The following RAD9B variants were observed in gnomAD, a reference collection of about 807,000 sequenced individuals.
RAD9B encodes cell cycle checkpoint control protein RAD9B.
RAD9B carries 41 observed loss-of-function variants against 48.3 expected under a neutral mutation model. The ratio of observed to expected loss-of-function variants is 0.85; its 90% confidence interval spans 0.66 to 1.10. RAD9B has a LOEUF of 1.10. Among genes scored for constraint, RAD9B ranks in the 50% least tolerant of loss-of-function variants. The pLI, the probability that RAD9B is intolerant of heterozygous loss-of-function variation, is 0.00. For synonymous variants in RAD9B, 160 were observed against 157.9 expected (o/e 1.01, Z -0.10); for missense variants, 444 against 485.1 (o/e 0.92, Z 0.80).
intron 10 of RAD9B, among the ~76,000 whole-genome samples, chr12:110,530,192 G>T (rs148995738): frequency 6.6e-6 from 1 of 152,032 alleles, no homozygotes; most frequent in African/African-American, 2.4e-5. Flanking sequence ...ACAGGTGTCC[G>T]CCACCACACC....
chr12:110,517,160 C>T (rs1394535983), intron 6 of RAD9B, among the ~76,000 whole-genome samples: 1 of 151,884 alleles, frequency 6.6e-6, no homozygotes, highest in Non-Finnish European at 1.5e-5. Flanking sequence ...CAGCAAGATC[C>T]CATCTCTACA....
intron 10 of RAD9B, among the ~76,000 whole-genome samples, chr12:110,526,908 C>CAA (rs113540015): frequency 4.1e-5 from 3 of 72,486 alleles, no homozygotes; most frequent in South Asian, 4.6e-4. Context: ...GACTCCATCT[C>CAA]AAAAAAAAAA....
chr12:110,528,363 A>T (rs550727134), intron 10 of RAD9B, among the ~76,000 whole-genome samples: 3 of 152,220 alleles, frequency 2.0e-5, no homozygotes, highest in African/African-American at 7.2e-5. Flanking sequence ...TTGGAGAAGT[A>T]GATTCAGGGC....
intron 2 of RAD9B, among the ~76,000 whole-genome samples, chr12:110,504,351 C>T (rs2063196670): frequency 6.6e-6 from 1 of 151,682 alleles, no homozygotes; most frequent in Admixed American, 6.6e-5. Flanking sequence ...CACCTGTAAT[C>T]CCAGCTACTC....
intron 5 of RAD9B, among the ~76,000 whole-genome samples, chr12:110,514,619 C>G (rs2063557068): frequency 6.6e-6 from 1 of 152,200 alleles, no homozygotes; most frequent in East Asian, 1.9e-4. Flanking sequence ...AGAATATAGG[C>G]AGCAGGCTGC....
chr12:110,531,530 C>A lies in RAD9B; in HGVS notation c.*877C>A. 1 of 1,367,716 alleles carries A rather than the reference C, an allele frequency of 7.3e-7. No individual in the cohort carries two copies. Among genetic ancestry groups the A allele is most frequent in the Non-Finnish European group, 1.0e-6 (1 of 963,342 alleles). 84.7% of individuals were successfully genotyped at this position (1,367,716 alleles called of 1,614,324 possible). A position where few individuals can be genotyped will look rare whatever the true frequency, so the allele number is the denominator to read the frequency against. On this transcript the variant is annotated 3_prime_UTR_variant, in exon 11 of 11. Transcript: ENST00000409300. ...CATATTGTAAAATTTTATTTCCTAA[C>A]CTCAAATTGTTCTGATTTTCAGATG...
rs1201032945 is a variant in RAD9B, at chr12:110,531,920, T to C, written c.*1267T>C. ...AAGGAAGTGTTAACTGGCAAGCAGT[T>C]GTACTTTAGACTTTGTGAGAAATTC... is the stretch of plus-strand genomic sequence containing the variant. On this transcript the variant is annotated 3_prime_UTR_variant, in exon 11 of 11. Transcript: ENST00000409300. 1 of 364,396 alleles carries C rather than the reference T, an allele frequency of 2.7e-6. No individual in the cohort carries two copies. The highest frequency in any genetic ancestry group is 6.2e-5 in the East Asian group (1 of 16,108). 22.6% of individuals were successfully genotyped at this position (364,396 alleles called of 1,614,324 possible).
At chr12:110,502,442 C>T in intron 1 of RAD9B, 59 bp downstream of exon 1, 2 of 1,578,716 alleles carry the variant, frequency 1.3e-6, no homozygotes, top group East Asian at 2.3e-5. Context: ...GTTAATAGGT[C>T]GTCCCTACCA....
At chr12:110,503,731 G>A in intron 1 of RAD9B, 75 bp from the exon 2 acceptor site, 1 of 1,025,954 alleles carries the variant, frequency 9.7e-7, no homozygotes, top group East Asian at 2.5e-5. Context: ...TCCTCTGAAT[G>A]CTGAACTAGT....
chr12:110,510,026 AC>A (rs1489802905), intron 4 of RAD9B, among the ~76,000 whole-genome samples: 1 of 152,230 alleles, frequency 6.6e-6, no homozygotes, highest in African/African-American at 2.4e-5. Flanking sequence ...AACAGCAGTC[AC>A]AGTGATCCCT....
In RAD9B at chr12:110,515,209, C is replaced by T. The variant is rs535280987; in HGVS notation, c.595+53C>T. 6.2e-4 allele frequency: 541 copies of T among 873,136 alleles called. 3 individuals are homozygous for T. The highest frequency in any genetic ancestry group is 1.3e-3 in the Middle Eastern group (6 of 4,598). 54.1% of individuals were successfully genotyped at this position (873,136 alleles called of 1,614,324 possible). A position where few individuals can be genotyped will look rare whatever the true frequency, so the allele number is the denominator to read the frequency against. On this transcript the variant is annotated intron_variant, in intron 6 of 10. Transcript: ENST00000409300. ...TGATGGGTTATTACTTCCTGTCTCT[C>T]GATTACTAACCATACTGCAAATATT...
rs962593810 is a variant in RAD9B at position 110,522,215 on chromosome 12, C to T, written c.929C>T (p.Thr310Ile). 1.9e-6 allele frequency: 3 copies of T among 1,601,316 alleles called. No homozygotes were observed. Among genetic ancestry groups the T allele is most frequent in the South Asian group, 1.1e-5 (1 of 88,684 alleles). Reference protein sequence around the residue: ...LIEKKAGKNVTGQALECISKK... With the variant: ...LIEKKAGKNVIGQALECISKK... ...GAAAAAAAGGCTGGCAAAAATGTAACTGGCCAGGCCCTGGAATGTATTTCA... is the reference window on the plus strand; with the variant it reads ...GAAAAAAAGGCTGGCAAAAATGTAATTGGCCAGGCCCTGGAATGTATTTCA... The change falls in exon 10 of 11, where the codon ACT (threonine) becomes ATT (isoleucine). Residue 310 changes from threonine (T) to isoleucine (I), a missense_variant. Physicochemically the swap from Thr to Ile is moderately conservative, Grantham distance 89 (BLOSUM62 -1). Transcript: ENST00000409300.
intron 6 of RAD9B, among the ~76,000 whole-genome samples, chr12:110,516,978 CCTT>C (rs1296450708): frequency 6.6e-6 from 1 of 152,018 alleles, no homozygotes; most frequent in African/African-American, 2.4e-5. Context: ...GGGTATATCT[CCTT>C]CTATACTTTA....
rs955163906 is a variant in RAD9B at position 110,514,934 on chromosome 12, A to G, written c.489-116A>G. 3 of 633,894 alleles carry G rather than the reference A, an allele frequency of 4.7e-6. No individual in the cohort carries two copies. In the African/African-American group the frequency reaches 5.6e-5, roughly 12 times the overall value. 39.3% of individuals were successfully genotyped at this position (633,894 alleles called of 1,614,324 possible). On this transcript the variant is annotated intron_variant, in intron 5 of 10. Transcript: ENST00000409300. ...GGTAGGAGTTTGGGTAAATTTTTCT[A>G]AACCCAGGCCAAGTAATTATTTATT...
intron 5 of RAD9B, among the ~76,000 whole-genome samples, chr12:110,514,444 A>G (rs2063552939): frequency 6.6e-6 from 1 of 152,250 alleles, no homozygotes; most frequent in Non-Finnish European, 1.5e-5. Flanking sequence ...ATTAGTCATT[A>G]GGGAAATGCA....
intron 5 of RAD9B, 107 bp from the exon 6 acceptor site, chr12:110,514,943 C>T (rs963747310): frequency 4.5e-6 from 3 of 665,626 alleles, no homozygotes; most frequent in African/African-American, 1.9e-5. Flanking sequence ...TAAACCCAGG[C>T]CAAGTAATTA....
intron 8 of RAD9B, 104 bp downstream of exon 8, chr12:110,519,042 A>G: frequency 1.3e-6 from 1 of 748,608 alleles, no homozygotes; most frequent in Non-Finnish European, 2.2e-6. Flanking sequence ...GAATACCTAA[A>G]CTTTACTATT....
intron 10 of RAD9B, among the ~76,000 whole-genome samples, chr12:110,530,043 T>C (rs1332356124): frequency 6.6e-6 from 1 of 152,096 alleles, no homozygotes; most frequent in Non-Finnish European, 1.5e-5. Context: ...AAAGGTTTGT[T>C]TTTTTTGTTT....
At chr12:110,513,171 T>C (rs2063512492) in intron 5 of RAD9B, among the ~76,000 whole-genome samples, 1 of 151,988 alleles carries the variant, frequency 6.6e-6, no homozygotes, top group Non-Finnish European at 1.5e-5. Context: ...GGTTTTACCG[T>C]GTTAGCCAGG....
Sources: allele counts gnomAD v4.1 joint callset (sites outside exome capture counted in the v4.1 genomes callset), GRCh38; gene constraint gnomAD v4.1.1; transcripts MANE v1.5; gene names NCBI Gene and HGNC (gene_info 2026-07-23, HGNC 2026-07-21).